Variants in ZWILCH observed in about 807,000 individuals in gnomAD.
ZWILCH encodes zwilch kinetochore protein.
ZWILCH carries 74 observed loss-of-function variants against 79.9 expected under a neutral mutation model. The ratio of observed to expected loss-of-function variants is 0.93; its 90% CI spans 0.77 to 1.12. The LOEUF (loss-of-function observed/expected upper bound fraction) is 1.12, where lower values mean the gene tolerates loss of function less well. Among genes scored for constraint, ZWILCH ranks in the 50% most tolerant of loss-of-function variants. The pLI is 0.00. For missense variants in ZWILCH, 694 were observed against 687.5 expected (o/e 1.01, Z -0.11); for synonymous variants, 241 against 228.2 (o/e 1.06, Z -0.51).
chr15:66,514,153 A>G (rs1894171329), intron 3 of ZWILCH, 70 bp downstream of exon 3: 1 of 1,048,314 alleles, frequency 9.5e-7, no homozygotes, highest in East Asian at 2.5e-5. Context: ...GGAATAATCT[A>G]ACGTACACGT....
chr15:66,526,395 G>T (rs1356080493), intron 8 of ZWILCH, among the ~76,000 whole-genome samples: 1 of 151,942 alleles, frequency 6.6e-6, no homozygotes, highest in East Asian at 1.9e-4. Context: ...CCAGCCTATG[G>T]TTCCCACATT....
At chr15:66,542,979 A>C (rs890321146) in intron 17 of ZWILCH, among the ~76,000 whole-genome samples, 2 of 152,320 alleles carry the variant, frequency 1.3e-5, no homozygotes, top group East Asian at 3.9e-4. Flanking sequence ...AATCATTCTC[A>C]CACATTTCTG....
chr15:66,542,965 G>A (rs774745561), intron 17 of ZWILCH, among the ~76,000 whole-genome samples: 2 of 152,166 alleles, frequency 1.3e-5, no homozygotes, highest in South Asian at 2.1e-4. Context: ...ATGGGAGAAC[G>A]GGCAATCATT....
intron 7 of ZWILCH, among the ~76,000 whole-genome samples, chr15:66,521,937 T>C (rs992306371): frequency 2.6e-5 from 4 of 152,168 alleles, no homozygotes; most frequent in African/African-American, 9.7e-5. Flanking sequence ...CAGTGGCTCA[T>C]GCCTATAATC....
intron 16 of ZWILCH, among the ~76,000 whole-genome samples, chr15:66,538,444 G>A (rs927118130): frequency 2.6e-5 from 4 of 151,196 alleles, no homozygotes; most frequent in East Asian, 1.9e-4. Flanking sequence ...GTGCAGTGGC[G>A]CAATCTCAGC....
At chr15:66,535,807 GTC>G in intron 14 of ZWILCH, 124 bp from the exon 15 acceptor site, 2 of 708,294 alleles carry the variant, frequency 2.8e-6, no homozygotes, top group Non-Finnish European at 2.2e-6. Context: ...GCTTCTTCTG[GTC>G]TTTTTTTTTT....
chr15:66,507,702 A>G (rs1162627414), intron 1 of ZWILCH, among the ~76,000 whole-genome samples: 3 of 152,146 alleles, frequency 2.0e-5, no homozygotes, highest in Non-Finnish European at 4.4e-5. Flanking sequence ...ACTGGCCTCT[A>G]TTAAACATGC....
chr15:66,509,236 G>A (rs928091717), intron 2 of ZWILCH, among the ~76,000 whole-genome samples: 5 of 152,028 alleles, frequency 3.3e-5, no homozygotes, highest in East Asian at 1.9e-4. Context: ...CACCGCGCCC[G>A]GCCGAACTTC....
intron 12 of ZWILCH, 143 bp downstream of exon 12, chr15:66,529,716 T>C (rs1431564029): frequency 3.3e-6 from 2 of 610,238 alleles, no homozygotes; most frequent in Non-Finnish European, 5.9e-6. Flanking sequence ...TCCTTTACTT[T>C]TCTTGTGCCC....
At chr15:66,523,991 T>A (rs1894592330) in intron 8 of ZWILCH, among the ~76,000 whole-genome samples, 1 of 152,212 alleles carries the variant, frequency 6.6e-6, no homozygotes, top group Non-Finnish European at 1.5e-5. Context: ...ATTTTTTTAA[T>A]TAATTTATTT....
At chr15:66,533,214 A>AAT (rs1894907910) in intron 14 of ZWILCH, among the ~76,000 whole-genome samples, 1 of 152,156 alleles carries the variant, frequency 6.6e-6, no homozygotes, top group Admixed American at 6.5e-5. Context: ...CACTCTCTAT[A>AAT]AATTTGTGAT....
chr15:66,523,766 A>G lies in ZWILCH; in HGVS notation c.819+18A>G, dbSNP rs752175601. 260 of 1,565,662 alleles carry G rather than the reference A, an allele frequency of 1.7e-4. No individual in the cohort carries two copies. The highest frequency in any genetic ancestry group is 2.1e-4 in the Non-Finnish European group (239 of 1,141,288). On this transcript the variant is annotated intron_variant, in intron 8 of 18. Coordinates refer to ENST00000307897, the MANE Select transcript of ZWILCH (RefSeq NM_017975.5). Reference sequence around the variant, plus strand: ...TTCTTCTTGTGAGTATCCTTCTAGAATTCCTTTCCTTAAATCTATGTTTTT... The same window carrying G: ...TTCTTCTTGTGAGTATCCTTCTAGAGTTCCTTTCCTTAAATCTATGTTTTT...
chr15:66,531,697 T>C (rs902509206), intron 12 of ZWILCH, among the ~76,000 whole-genome samples: 9 of 150,734 alleles, frequency 6.0e-5, no homozygotes, highest in Non-Finnish European at 1.5e-5. Flanking sequence ...CCTCAAGTGA[T>C]CTACCCTCGT....
rs779241251 is a variant in ZWILCH, at chr15:66,518,918, T to C, written c.360T>C (p.Asn120=). The change falls in exon 5 of 19, where the codon AAT becomes AAC. Residue 120 remains asparagine (N), a synonymous_variant. Coordinates refer to ENST00000307897, the MANE Select transcript of ZWILCH (RefSeq NM_017975.5). ...TTTACACCATGGCTCACAATCCTAA[T>C]ATGACCCATTTGAAGATTAATCTGC... The part of the protein sequence containing the change: ...IGLYTMAHNP[N]MTHLKINLPV... 1 of 1,614,244 alleles carries C rather than the reference T, an allele frequency of 6.2e-7. No homozygotes were observed.
intron 17 of ZWILCH, among the ~76,000 whole-genome samples, chr15:66,542,106 T>C (rs993769749): frequency 2.0e-5 from 3 of 152,168 alleles, no homozygotes; most frequent in Admixed American, 2.0e-4. Context: ...GCTGTAAAAG[T>C]AGAAAAATTT....
intron 8 of ZWILCH, among the ~76,000 whole-genome samples, chr15:66,525,760 T>C (rs943799479): frequency 7.3e-6 from 1 of 136,186 alleles, no homozygotes; most frequent in South Asian, 2.5e-4. Flanking sequence ...ATTTTTCTTT[T>C]TTTTTTTTTT....
rs1326115738 is a variant in ZWILCH at position 66,536,025 on chromosome 15, G to A, written c.1434G>A (p.Met478Ile). 11 of 1,612,082 alleles carry A rather than the reference G, an allele frequency of 6.8e-6. No individual in the cohort carries two copies. The Admixed American group carries it at 1.5e-4, about 22-fold the overall frequency. ...HHILEILVSC[M>I]PFIKSQHELL... is the part of the protein sequence containing the mutation. ...TTCTAGAAATATTAGTCAGTTGCAT[G>A]CCTTTCATTAAATCTCAACATGAAC... The change falls in exon 15 of 19, where the codon ATG becomes ATA. Residue 478 changes from methionine (M) to isoleucine (I), a missense_variant. Physicochemically the swap from Met to Ile is conservative, Grantham distance 10. Transcript: ENST00000307897.
chr15:66,539,230 C>T (rs1385581981), intron 16 of ZWILCH, among the ~76,000 whole-genome samples: 1 of 151,982 alleles, frequency 6.6e-6, no homozygotes, highest in East Asian at 1.9e-4. Flanking sequence ...CGGTGAAACC[C>T]TGTCTCTACA....
intron 7 of ZWILCH, among the ~76,000 whole-genome samples, chr15:66,521,565 T>G (rs1381552620): frequency 1.3e-5 from 2 of 152,170 alleles, no homozygotes; most frequent in Non-Finnish European, 2.9e-5. Context: ...GCACGATCAC[T>G]GCTCACTGCA....
Sources: gnomAD v4.1 joint callset for allele counts (sites outside exome capture counted in the v4.1 genomes callset) on GRCh38, gnomAD v4.1.1 for gene constraint, MANE v1.5 for transcripts, NCBI Gene and HGNC (gene_info 2026-07-23, HGNC 2026-07-21) for gene names.